DDX60L: variants seen among roughly 807,000 people sequenced by gnomAD.
The protein encoded by DDX60L is probable ATP-dependent RNA helicase DDX60-like.
In DDX60L, 191 loss-of-function variants were observed where a neutral mutation model predicts 211.6. The ratio of observed to expected loss-of-function variants is 0.90; its 90% CI spans 0.80 to 1.02. The LOEUF (loss-of-function observed/expected upper bound fraction) is 1.02. Among genes scored for constraint, DDX60L ranks in the 50% least tolerant of loss-of-function variants. The pLI, the probability that DDX60L is intolerant of heterozygous loss-of-function variation, is 0.00. For synonymous variants in DDX60L, 706 were observed against 694.1 expected (o/e 1.02, Z -0.27); for missense variants, 2,007 against 1,984.1 (o/e 1.01, Z -0.22).
At chr4:168,476,243 TAAGTA>T (rs1209659802) in intron 1 of DDX60L, 1 of 152,086 alleles carries the variant, frequency 6.6e-6, no homozygotes, top group Non-Finnish European at 1.5e-5. Flanking sequence ...TAACTCTGAT[TAAGTA>T]AATAGTATGA....
At position 168,448,694 on chromosome 4, in the gene DDX60L, T is replaced by C. The variant is rs1163010966; in HGVS notation, c.1082A>G (p.Tyr361Cys). 1 of 1,601,316 alleles carries C rather than the reference T, an allele frequency of 6.2e-7. No homozygotes were observed. The highest frequency in any genetic ancestry group is 8.5e-7 in the Non-Finnish European group (1 of 1,170,122). ...TATATTCTTTAACAATTGCTCATCA[T>C]ACAAGTCAGAAACATGATTTAAATT... ...NLNLNHVSDL[Y>C]DEQLLKNIAF... Residue 361 changes from tyrosine (Y) to cysteine (C), a missense_variant, in exon 9 of 38, where the codon TAT becomes TGT. Physicochemically the swap from Tyr to Cys is radical, Grantham distance 194. Coordinates refer to ENST00000682922, the MANE Select transcript of DDX60L (RefSeq NM_001012967.3).
Position 168,411,253 on chromosome 4 carries a change from C to T in DDX60L, c.2979+4155G>A, listed in dbSNP as rs184084139. Among the ~76,000 whole-genome samples the T allele has an allele frequency of 7.9e-5, 12 of 152,266 alleles. 1 individual carries two copies. The highest frequency in any genetic ancestry group is 2.9e-4 in the African/African-American group (12 of 41,560). On this transcript the variant is annotated intron_variant, in intron 22 of 37. Transcript: ENST00000682922. ...CACACAAAAGGCACCTTTATAAGAA[C>T]CAAAAATCAGGTGAGTGATCACAGT...
intron 30 of DDX60L, among the ~76,000 whole-genome samples, chr4:168,381,514 A>T (rs1048622714): frequency 6.6e-6 from 1 of 152,114 alleles, no homozygotes; most frequent in Non-Finnish European, 1.5e-5. Flanking sequence ...TAATAAATAT[A>T]CTTCTTCAAA....
chr4:168,469,980 T>A (rs1758531351), intron 4 of DDX60L: 1 of 152,186 alleles, frequency 6.6e-6, no homozygotes, highest in Non-Finnish European at 1.5e-5. Flanking sequence ...AACTCAATAT[T>A]AAAAAGATAA....
intron 35 of DDX60L, among the ~76,000 whole-genome samples, chr4:168,372,759 G>A (rs1741256927): frequency 6.6e-6 from 1 of 151,736 alleles, no homozygotes; most frequent in Non-Finnish European, 1.5e-5. Flanking sequence ...GGGGAGTCGA[G>A]GGAAGGGGAG....
Position 168,441,385 on chromosome 4 carries a change from T to C in DDX60L, c.1246A>G (p.Arg416Gly). Residue 416 changes from arginine (R) to glycine (G), a missense_variant, in exon 10 of 38, where the codon AGA becomes GGA. By Grantham distance (125) the Arg-to-Gly change is moderately radical. Coordinates refer to ENST00000682922, the MANE Select transcript of DDX60L (RefSeq NM_001012967.3). ...EFNVGKSFPL[R>G]TTRRHFLRQE... Reference sequence around the variant, plus strand: ...CTAAGAAAATGTCTTCTTGTTGTTCTCAGAGGAAAAGACTTTCCAACGTTA... The same window carrying C: ...CTAAGAAAATGTCTTCTTGTTGTTCCCAGAGGAAAAGACTTTCCAACGTTA... 1 of 1,612,442 alleles carries C rather than the reference T, an allele frequency of 6.2e-7. No individual in the cohort carries two copies. The highest frequency in any genetic ancestry group is 8.5e-7 in the Non-Finnish European group (1 of 1,179,210).
At chr4:168,394,752 C>T in intron 27 of DDX60L, 135 bp from the exon 28 acceptor site, 3 of 727,560 alleles carry the variant, frequency 4.1e-6, no homozygotes. Context: ...TGACCCTGAA[C>T]CTACATGTTT....
At position 168,358,151 on chromosome 4, in the gene DDX60L, T is replaced by C; in HGVS notation, c.5117A>G (p.Glu1706Gly). 6.2e-7 allele frequency: 1 copy of C among 1,609,222 alleles called. No homozygotes were observed. Among genetic ancestry groups the C allele is most frequent in the Non-Finnish European group, 8.5e-7 (1 of 1,177,664 alleles). The change falls in exon 38 of 38, where the codon GAA becomes GGA. Residue 1706 changes from glutamate (E) to glycine (G), a missense_variant. Transcript: ENST00000682922. ...ACTTGAAAGTTTTCCATGGTGTTAT[T>C]CTAAATGATTTTGACTCATTTGAAT... ...MQIQMSQNHLE is the reference protein window; with the variant it reads ...MQIQMSQNHLG
At chr4:168,460,823 C>T (rs1757228751) in intron 5 of DDX60L, among the ~76,000 whole-genome samples, 1 of 152,148 alleles carries the variant, frequency 6.6e-6, no homozygotes, top group African/African-American at 2.4e-5. Context: ...TGCTGACAGA[C>T]CAGCTACAAA....
intron 36 of DDX60L, among the ~76,000 whole-genome samples, chr4:168,365,056 A>G (rs1269749341): frequency 6.6e-6 from 1 of 152,160 alleles, no homozygotes; most frequent in African/African-American, 2.4e-5. Flanking sequence ...TTATAGCAAT[A>G]AAGGCCTAAA....
chr4:168,437,888 T>G (rs1332385457), intron 10 of DDX60L, among the ~76,000 whole-genome samples: 1 of 152,090 alleles, frequency 6.6e-6, no homozygotes, highest in Non-Finnish European at 1.5e-5. Context: ...TGGTTTTGTT[T>G]TTTGAAACGG....
Position 168,442,318 on chromosome 4 carries a change from C to G in DDX60L, c.1139-826G>C, listed in dbSNP as rs201953279. ...GACGGGCTTAAAAAACGGCGCACCA[C>G]GAGATTATATCCCGCACCTGGCTCA... On this transcript the variant is annotated intron_variant, in intron 9 of 37. Coordinates refer to ENST00000682922, the MANE Select transcript of DDX60L (RefSeq NM_001012967.3). Among the ~76,000 whole-genome samples the G allele has an allele frequency of 9.9e-5, 15 of 152,164 alleles. No individual in the cohort carries two copies. In the East Asian group the frequency reaches 2.7e-3, roughly 28 times the overall value.
intron 32 of DDX60L, 118 bp downstream of exon 32, chr4:168,379,245 A>C (rs915394362): frequency 1.1e-5 from 10 of 888,418 alleles, no homozygotes; most frequent in Non-Finnish European, 1.6e-5. Flanking sequence ...ACATATACTT[A>C]GTATTTATTT....
At chr4:168,416,562 TTG>T in intron 20 of DDX60L, 118 bp downstream of exon 20, 1 of 553,820 alleles carries the variant, frequency 1.8e-6, no homozygotes, top group South Asian at 5.8e-5. Context: ...GTTTCAAAGA[TTG>T]GGTAATAAAT....
chr4:168,363,920 T>G (rs1376619171), intron 36 of DDX60L, among the ~76,000 whole-genome samples: 1 of 152,120 alleles, frequency 6.6e-6, no homozygotes, highest in Non-Finnish European at 1.5e-5. Context: ...GGATTTTATT[T>G]TAAAGGTAAC....
intron 30 of DDX60L, among the ~76,000 whole-genome samples, chr4:168,381,051 C>T (rs944170130): frequency 1.3e-5 from 2 of 152,162 alleles, no homozygotes; most frequent in Admixed American, 1.3e-4. Flanking sequence ...CAAGATGTAG[C>T]CTGGCTGCTT....
At chr4:168,434,153 GTGTGTACA>G (rs1752732945) in intron 10 of DDX60L, among the ~76,000 whole-genome samples, 1 of 152,006 alleles carries the variant, frequency 6.6e-6, no homozygotes, top group Non-Finnish European at 1.5e-5. Flanking sequence ...AGATGCGTGA[GTGTGTACA>G]TGTGTATATC....
intron 31 of DDX60L, 83 bp downstream of exon 31, chr4:168,379,643 A>G (rs1742583532): frequency 3.2e-6 from 4 of 1,255,626 alleles, no homozygotes; most frequent in Non-Finnish European, 3.3e-6. Context: ...AATGCAGATT[A>G]TAGAAATTTC....
intron 10 of DDX60L, among the ~76,000 whole-genome samples, chr4:168,433,418 A>G (rs1182810428): frequency 1.3e-5 from 2 of 152,138 alleles, no homozygotes; most frequent in Non-Finnish European, 2.9e-5. Flanking sequence ...CAGTATGAAT[A>G]ATGTGTCACA....
Sources: gnomAD v4.1 joint callset for allele counts (sites outside exome capture counted in the v4.1 genomes callset) on GRCh38, gnomAD v4.1.1 for gene constraint, MANE v1.5 for transcripts, NCBI Gene and HGNC (gene_info 2026-07-23, HGNC 2026-07-21) for gene names.